KCNMB2: variants seen among roughly 807,000 people sequenced by gnomAD.
KCNMB2 encodes potassium calcium-activated channel subfamily M regulatory beta subunit 2, also known as calcium-activated potassium channel subunit beta-2.
KCNMB2 carries 9 observed loss-of-function variants against 24.5 expected under a neutral mutation model. The ratio of observed to expected loss-of-function variants is 0.37; its 90% CI spans 0.22 to 0.64. The LOEUF (loss-of-function observed/expected upper bound fraction) is 0.64, where lower values mean the gene tolerates loss of function less well. KCNMB2 is among the 30% of genes least tolerant of loss of function. The pLI is 0.63. For missense variants in KCNMB2, 226 were observed against 284.3 expected (o/e 0.79, Z 1.47); for synonymous variants, 109 against 104.4 (o/e 1.04, Z -0.27).
intron 1 of KCNMB2, among the ~76,000 whole-genome samples, chr3:178,678,419 G>T (rs1721145980): frequency 6.6e-6 from 1 of 152,084 alleles, no homozygotes; most frequent in Non-Finnish European, 1.5e-5. Context: ...TTTTACACAG[G>T]TATATAAGAA....
At chr3:178,577,208 C>T (rs540375651) in intron 1 of KCNMB2, among the ~76,000 whole-genome samples, 8 of 152,238 alleles carry the variant, frequency 5.3e-5, no homozygotes, top group South Asian at 2.1e-4. Flanking sequence ...CCTCCGCTTG[C>T]GTCCACTCCA....
intron 1 of KCNMB2, among the ~76,000 whole-genome samples, chr3:178,712,406 G>A (rs9290664): frequency 0.039 from 5,968 of 152,218 alleles, 242 homozygotes; most frequent in East Asian, 0.17. Context: ...GTGGGGTTAC[G>A]TTGACTCGAC....
chr3:178,726,712 A>G (rs1421206231), intron 1 of KCNMB2, among the ~76,000 whole-genome samples: 2 of 152,050 alleles, frequency 1.3e-5, no homozygotes, highest in African/African-American at 2.4e-5. Flanking sequence ...ACATTCAAAT[A>G]TATTACTTAC....
chr3:178,749,004 G>C (rs1267452650), intron 1 of KCNMB2: 1 of 152,152 alleles, frequency 6.6e-6, no homozygotes, highest in East Asian at 1.9e-4. Context: ...AGAGCACAAG[G>C]AACTTTATTA....
chr3:178,764,695 T>C (rs983052809), intron 1 of KCNMB2, among the ~76,000 whole-genome samples: 1 of 152,204 alleles, frequency 6.6e-6, no homozygotes, highest in African/African-American at 2.4e-5. Context: ...TAATGCCCAG[T>C]GCAGATCCTG....
intron 1 of KCNMB2, among the ~76,000 whole-genome samples, chr3:178,547,557 T>C (rs116588083): frequency 4.0e-3 from 613 of 152,338 alleles, no homozygotes; most frequent in African/African-American, 0.014. Context: ...TGTATGTGTA[T>C]GTATGTATGT....
At chr3:178,725,878 T>G (rs1174619511) in intron 1 of KCNMB2, among the ~76,000 whole-genome samples, 1 of 151,946 alleles carries the variant, frequency 6.6e-6, no homozygotes, top group Non-Finnish European at 1.5e-5. Flanking sequence ...GGTTTATTTT[T>G]TTAATCCATC....
intron 1 of KCNMB2, among the ~76,000 whole-genome samples, chr3:178,566,259 A>G (rs1308101594): frequency 2.0e-5 from 3 of 152,246 alleles, no homozygotes; most frequent in Non-Finnish European, 4.4e-5. Flanking sequence ...TTAATAAATA[A>G]GGTAAAACCA....
intron 1 of KCNMB2, among the ~76,000 whole-genome samples, chr3:178,793,433 C>G (rs1713401685): frequency 1.3e-5 from 2 of 151,456 alleles, no homozygotes; most frequent in Admixed American, 1.3e-4. Flanking sequence ...GTTTCTCTAA[C>G]CAAGACCTCA....
intron 1 of KCNMB2, among the ~76,000 whole-genome samples, chr3:178,575,328 A>G (rs1049366291): frequency 6.6e-6 from 1 of 152,174 alleles, no homozygotes; most frequent in African/African-American, 2.4e-5. Flanking sequence ...TCACATCACC[A>G]CAAGTAAAAT....
rs112140382 is a variant in KCNMB2, at chr3:178,684,673, CA to C, written c.-67-122663del. Among the ~76,000 whole-genome samples the C allele has an allele frequency of 1.7e-3, 252 of 151,972 alleles. 1 individual carries two copies. Among genetic ancestry groups the C allele is most frequent in the African/African-American group, 5.8e-3 (241 of 41,440 alleles). On this transcript the variant is annotated intron_variant, in intron 1 of 4. Coordinates refer to ENST00000452583, the MANE Select transcript of KCNMB2 (RefSeq NM_181361.3). ...AGAAACCCCGTCTCTACTAAAAATA[CA>C]AAAAAAGTTAGCTGGGTGTGGTGGT...
intron 4 of KCNMB2, among the ~76,000 whole-genome samples, chr3:178,830,842 G>A (rs1264561800): frequency 6.6e-6 from 1 of 152,128 alleles, no homozygotes; most frequent in Non-Finnish European, 1.5e-5. Flanking sequence ...GGTTATATGT[G>A]TTGTAAATAT....
At chr3:178,765,874 T>C (rs1712097056) in intron 1 of KCNMB2, among the ~76,000 whole-genome samples, 1 of 152,218 alleles carries the variant, frequency 6.6e-6, no homozygotes, top group Non-Finnish European at 1.5e-5. Flanking sequence ...ATGCCTTTGC[T>C]CTTACTTCTA....
intron 1 of KCNMB2, among the ~76,000 whole-genome samples, chr3:178,592,075 CA>C: frequency 6.6e-6 from 1 of 152,106 alleles, no homozygotes; most frequent in African/African-American, 2.4e-5. Flanking sequence ...TATGGGAGGG[CA>C]AAAGAGTACT....
chr3:178,799,556 T>C (rs1324919806), intron 1 of KCNMB2, among the ~76,000 whole-genome samples: 1 of 152,162 alleles, frequency 6.6e-6, no homozygotes, highest in African/African-American at 2.4e-5. Context: ...AGATATTCCA[T>C]AGTCACGGAT....
intron 1 of KCNMB2, among the ~76,000 whole-genome samples, chr3:178,722,002 A>G (rs1423187296): frequency 6.6e-6 from 1 of 152,114 alleles, no homozygotes; most frequent in Admixed American, 6.5e-5. Flanking sequence ...CTCTTAGTCC[A>G]TGGCTTGTAT....
chr3:178,746,328 G>A (rs529503903), intron 1 of KCNMB2, among the ~76,000 whole-genome samples: 10 of 152,216 alleles, frequency 6.6e-5, no homozygotes, highest in South Asian at 2.1e-4. Context: ...ACATTGACCC[G>A]TTTCAGCCAT....
intron 1 of KCNMB2, among the ~76,000 whole-genome samples, chr3:178,598,339 A>G (rs1183139097): frequency 6.6e-6 from 1 of 152,170 alleles, no homozygotes; most frequent in African/African-American, 2.4e-5. Context: ...GTAAAGCACT[A>G]GAGAATACGA....
intron 1 of KCNMB2, among the ~76,000 whole-genome samples, chr3:178,647,409 C>G (rs1447325426): frequency 1.3e-5 from 2 of 152,144 alleles, no homozygotes; most frequent in Non-Finnish European, 2.9e-5. Context: ...TTGCTTTCTA[C>G]TAGAATTTAG....
Sources: allele counts gnomAD v4.1 joint callset (sites outside exome capture counted in the v4.1 genomes callset), GRCh38; gene constraint gnomAD v4.1.1; transcripts MANE v1.5; gene names NCBI Gene and HGNC (gene_info 2026-07-23, HGNC 2026-07-21).